The following CSMD3 variants were observed in gnomAD, a reference collection of about 807,000 sequenced individuals.
CSMD3 encodes CUB and sushi domain-containing protein 3.
Under a neutral mutation model 435.2 loss-of-function variants are expected in CSMD3, and 177 were observed. The observed-to-expected ratio is 0.41, with a 90% CI of 0.36 to 0.46. CSMD3 has a LOEUF of 0.46. Among genes scored for constraint, CSMD3 ranks in the 20% least tolerant of loss-of-function variants. The pLI is 0.34. For missense variants in CSMD3, 4,265 were observed against 4,504.6 expected, an observed-to-expected ratio of 0.95 and a Z score of 1.52; for synonymous variants, 1,656 against 1,520.5, an observed-to-expected ratio of 1.09 and a Z score of -2.07.
chr8:112,665,855 C>G (rs1348752398), intron 17 of CSMD3, among the ~76,000 whole-genome samples: 1 of 152,078 alleles, frequency 6.6e-6, no homozygotes, highest in African/African-American at 2.4e-5. Context: ...TTCACAAGGA[C>G]TTATAGGTGA....
At chr8:112,445,804 A>C (rs2130547047) in intron 32 of CSMD3, among the ~76,000 whole-genome samples, 1 of 152,286 alleles carries the variant, frequency 6.6e-6, no homozygotes, top group South Asian at 2.1e-4. Context: ...AATTTTTATG[A>C]AATCAAGTCC....
chr8:112,476,980 T>C (rs1246690455), intron 31 of CSMD3, among the ~76,000 whole-genome samples: 1 of 152,188 alleles, frequency 6.6e-6, no homozygotes, highest in African/African-American at 2.4e-5. Flanking sequence ...TCTTCTCTTC[T>C]CTTCTCAGGA....
At chr8:113,313,695 T>C (rs1489921218) in intron 2 of CSMD3, 1 of 152,198 alleles carries the variant, frequency 6.6e-6, no homozygotes, top group Non-Finnish European at 1.5e-5. Context: ...AACTCAAACA[T>C]AGCCAAGTAT....
intron 22 of CSMD3, among the ~76,000 whole-genome samples, chr8:112,631,704 A>G (rs1159679073): frequency 6.6e-6 from 1 of 152,042 alleles, no homozygotes; most frequent in Non-Finnish European, 1.5e-5. Flanking sequence ...TTATATTGTT[A>G]AGCCAAGAAA....
chr8:112,897,692 C>G (rs62516554), intron 10 of CSMD3, among the ~76,000 whole-genome samples: 12,016 of 56,362 alleles, frequency 0.21, 858 homozygotes, highest in African/African-American at 0.38. Context: ...CTCTCTCTCT[C>G]TCTGTGTGTG....
At chr8:112,867,064 T>C (rs1427473496) in intron 10 of CSMD3, among the ~76,000 whole-genome samples, 1 of 152,034 alleles carries the variant, frequency 6.6e-6, no homozygotes, top group Admixed American at 6.6e-5. Context: ...ATGAAATCAC[T>C]GGAAATGGAT....
chr8:112,833,738 T>C (rs1587429111), intron 11 of CSMD3, among the ~76,000 whole-genome samples: 1 of 151,686 alleles, frequency 6.6e-6, no homozygotes, highest in African/African-American at 2.4e-5. Flanking sequence ...TATTCATACA[T>C]AGTTTTATAC....
chr8:112,292,356 AAT>A (rs1245305351), intron 55 of CSMD3, among the ~76,000 whole-genome samples, 179 bp downstream of exon 55: 16 of 152,150 alleles, frequency 1.1e-4, no homozygotes, highest in Non-Finnish European at 2.1e-4. Context: ...AACTTTTAAA[AAT>A]ATGTTACAAA....
chr8:112,848,763 A>G (rs1352372622), intron 11 of CSMD3, among the ~76,000 whole-genome samples: 1 of 152,092 alleles, frequency 6.6e-6, no homozygotes, highest in African/African-American at 2.4e-5. Context: ...GATCTGCACA[A>G]CAATTCAGGG....
chr8:112,421,997 A>T (rs1377819802), intron 32 of CSMD3, among the ~76,000 whole-genome samples: 1 of 152,078 alleles, frequency 6.6e-6, no homozygotes, highest in African/African-American at 2.4e-5. Flanking sequence ...TAGTAAGCTA[A>T]AAAGGGAAAG....
At chr8:112,866,445 G>T (rs965654700) in intron 10 of CSMD3, among the ~76,000 whole-genome samples, 1 of 152,080 alleles carries the variant, frequency 6.6e-6, no homozygotes, top group African/African-American at 2.4e-5. Flanking sequence ...TTATATTCTT[G>T]CCCATTGAGG....
chr8:112,654,341 TGGA>T (rs2075204419), intron 18 of CSMD3, among the ~76,000 whole-genome samples: 1 of 152,192 alleles, frequency 6.6e-6, no homozygotes, highest in Admixed American at 6.5e-5. Flanking sequence ...TTTATGATGT[TGGA>T]GATTATTTCA....
chr8:112,645,984 T>C (rs1203168192), intron 19 of CSMD3, among the ~76,000 whole-genome samples: 1 of 152,170 alleles, frequency 6.6e-6, no homozygotes, highest in Admixed American at 6.5e-5. Flanking sequence ...TCACTTTCAC[T>C]TGGAAAGGCC....
chr8:113,375,514 T>TACACAC (rs3221516), intron 1 of CSMD3, among the ~76,000 whole-genome samples: 1,313 of 69,286 alleles, frequency 0.019, 17 homozygotes, highest in East Asian at 0.084. Context: ...GACTATTTAA[T>TACACAC]ACACACACAC....
At chr8:113,365,280 A>G (rs993880671) in intron 1 of CSMD3, among the ~76,000 whole-genome samples, 2 of 152,250 alleles carry the variant, frequency 1.3e-5, no homozygotes, top group South Asian at 2.1e-4. Flanking sequence ...AGATTCTTGA[A>G]TAGATCAACA....
intron 2 of CSMD3, among the ~76,000 whole-genome samples, chr8:113,308,651 TTCTGTA>T (rs1221064876): frequency 1.3e-5 from 2 of 152,216 alleles, no homozygotes; most frequent in African/African-American, 4.8e-5. Flanking sequence ...GAACTCATAT[TTCTGTA>T]TCTGTATCGT....
intron 1 of CSMD3, among the ~76,000 whole-genome samples, chr8:113,393,660 G>A (rs901285046): frequency 3.3e-5 from 5 of 152,052 alleles, no homozygotes; most frequent in African/African-American, 1.2e-4. Flanking sequence ...ACAATTTTGT[G>A]TAGTTCCAAG....
At chr8:112,763,482 C>A (rs1489353901) in intron 13 of CSMD3, among the ~76,000 whole-genome samples, 1 of 149,762 alleles carries the variant, frequency 6.7e-6, no homozygotes, top group Non-Finnish European at 1.5e-5. Flanking sequence ...AATAGCATCA[C>A]CATTTTATTC....
At chr8:112,292,201 A>G (rs1158151487) in intron 55 of CSMD3, among the ~76,000 whole-genome samples, 1 of 152,150 alleles carries the variant, frequency 6.6e-6, no homozygotes, top group Non-Finnish European at 1.5e-5. Flanking sequence ...GCCAAAGCAA[A>G]TTGCAAGTAA....
Sources: allele counts gnomAD v4.1 joint callset (sites outside exome capture counted in the v4.1 genomes callset), GRCh38; gene constraint gnomAD v4.1.1; transcripts MANE v1.5; gene names NCBI Gene and HGNC (gene_info 2026-07-23, HGNC 2026-07-21).